TTC34: variants seen among roughly 807,000 people sequenced by gnomAD.
The protein encoded by TTC34 is tetratricopeptide repeat domain 34, also known as tetratricopeptide repeat protein 34.
A neutral mutation model predicts 40.7 loss-of-function variants in TTC34; 44 were observed. That is an observed-to-expected ratio of 1.08 (90% confidence interval 0.85 to 1.39). The LOEUF (loss-of-function observed/expected upper bound fraction) is 1.39. TTC34 is among the 40% of genes most tolerant of loss of function. The probability of loss-of-function intolerance (pLI) is 0.00; values close to 1 mark genes in which losing one functional copy is unlikely to be tolerated. For synonymous variants in TTC34, 422 were observed against 398.6 expected (o/e 1.06, Z -0.70); for missense variants, 884 against 838.0 (o/e 1.05, Z -0.68).
chr1:2,752,221 C>T (rs1469548536), intron 6 of TTC34, among the ~76,000 whole-genome samples: 8 of 118,372 alleles, frequency 6.8e-5, no homozygotes, highest in Admixed American at 8.7e-5. Context: ...CCCAGGTGAG[C>T]ATCTGACAGA....
chr1:2,685,265 A>C (rs55853131), intron 6 of TTC34, among the ~76,000 whole-genome samples: 13 of 47,576 alleles, frequency 2.7e-4, no homozygotes, highest in Non-Finnish European at 4.5e-4. Flanking sequence ...AGAGCCTGGA[A>C]CAGCACCCTG....
At chr1:2,768,263 T>C (rs1189562102) in intron 6 of TTC34, among the ~76,000 whole-genome samples, 1 of 151,988 alleles carries the variant, frequency 6.6e-6, no homozygotes, top group Non-Finnish European at 1.5e-5. Context: ...TGCCAGATCC[T>C]CACCTGGGGA....
chr1:2,784,057 G>A (rs1643536579), intron 5 of TTC34, among the ~76,000 whole-genome samples: 1 of 152,230 alleles, frequency 6.6e-6, no homozygotes, highest in South Asian at 2.1e-4. Context: ...GGGGGATCAG[G>A]GTAGCACTAC....
chr1:2,640,150 G>A (rs1340803942), exon 9 of TTC34: 2 of 152,478 alleles, frequency 1.3e-5, no homozygotes, highest in Non-Finnish European at 2.9e-5. Context: ...CCAGGAGGGG[G>A]GGTCGTGGCC....
At chr1:2,800,313 G>A (rs535876602) in exon 2 of TTC34, 69 of 398,628 alleles carry the variant, frequency 1.7e-4, no homozygotes, top group Middle Eastern at 6.3e-4. Context: ...GAAAGCTACC[G>A]TCCGGTCGGC....
chr1:2,686,332 C>A (rs1640344292), intron 6 of TTC34, among the ~76,000 whole-genome samples: 1 of 151,776 alleles, frequency 6.6e-6, no homozygotes, highest in African/African-American at 2.4e-5. Flanking sequence ...TCCAGGCGAG[C>A]ATCCGACAGC....
At chr1:2,691,541 AC>A (rs1162050426) in intron 6 of TTC34, among the ~76,000 whole-genome samples, 6 of 79,758 alleles carry the variant, frequency 7.5e-5, no homozygotes, top group East Asian at 3.6e-4. Context: ...CAGAACCCAC[AC>A]CCCCAGGTGA....
intron 2 of TTC34, among the ~76,000 whole-genome samples, chr1:2,793,037 C>T (rs1643680264): frequency 1.3e-5 from 2 of 152,336 alleles, no homozygotes; most frequent in South Asian, 4.1e-4. Context: ...TGTAGGCAAG[C>T]TATTCCACAG....
chr1:2,789,350 G>A (rs1256743841), intron 3 of TTC34, among the ~76,000 whole-genome samples, 153 bp downstream of exon 3: 1 of 152,242 alleles, frequency 6.6e-6, no homozygotes, highest in Non-Finnish European at 1.5e-5. Flanking sequence ...GTCGATGGAA[G>A]CAGCGGAGCT....
intron 2 of TTC34, among the ~76,000 whole-genome samples, chr1:2,792,914 C>T (rs982063334): frequency 2.6e-5 from 4 of 152,248 alleles, no homozygotes; most frequent in Non-Finnish European, 5.9e-5. Context: ...CACACAACAC[C>T]ATTGTTCAAG....
At chr1:2,688,440 GGACC>G (rs1640474003) in intron 6 of TTC34, among the ~76,000 whole-genome samples, 1 of 147,002 alleles carries the variant, frequency 6.8e-6, no homozygotes. Context: ...GCCTGGAGCA[GGACC>G]CACACCCCTA....
At chr1:2,686,564 C>A (rs573443570) in intron 6 of TTC34, among the ~76,000 whole-genome samples, 3 of 122,922 alleles carry the variant, frequency 2.4e-5, no homozygotes, top group East Asian at 2.7e-4. Context: ...ACGCACACAC[C>A]CAGGTGAGCA....
intron 6 of TTC34, among the ~76,000 whole-genome samples, chr1:2,699,998 G>C (rs113547966): frequency 0.036 from 4,013 of 110,468 alleles, 513 homozygotes; most frequent in Middle Eastern, 0.078. Context: ...TGACAGCCTG[G>C]AGCAGCGTCC....
In TTC34 at chr1:2,700,012, C is replaced by A. The variant is rs1398045744; in HGVS notation, c.2227-54449G>T. Among the ~76,000 whole-genome samples the A allele has an allele frequency of 3.5e-4, 41 of 118,164 alleles. 3 individuals are homozygous for A. The highest frequency in any genetic ancestry group is 9.3e-4 in the African/African-American group (34 of 36,696). The allele number at this position is 118,164 out of a possible 152,430, so 77.5% of individuals were successfully genotyped here. A position where few individuals can be genotyped will look rare whatever the true frequency, so the allele number is the denominator to read the frequency against. On this transcript the variant is annotated intron_variant, in intron 6 of 8. Coordinates refer to ENST00000401095, the Ensembl canonical transcript of TTC34. ...CTGACAGCCTGGAGCAGCGTCCACACCCCCAGGTGAGCATCTGATAGCCTG... is the reference window on the plus strand; with the variant it reads ...CTGACAGCCTGGAGCAGCGTCCACAACCCCAGGTGAGCATCTGATAGCCTG...
At chr1:2,682,289 G>A (rs1420743843) in intron 6 of TTC34, among the ~76,000 whole-genome samples, 1 of 126,194 alleles carries the variant, frequency 7.9e-6, no homozygotes, top group African/African-American at 2.9e-5. Context: ...GCATCGTAGA[G>A]TCTGGAGCAG....
intron 6 of TTC34, among the ~76,000 whole-genome samples, chr1:2,751,722 C>G: frequency 1.3e-5 from 2 of 151,574 alleles, no homozygotes; most frequent in African/African-American, 2.4e-5. Flanking sequence ...GGAGCAGCAC[C>G]CACACCCCCA....
intron 6 of TTC34, among the ~76,000 whole-genome samples, chr1:2,683,656 T>A (rs1199485317): frequency 6.8e-6 from 1 of 146,954 alleles, no homozygotes; most frequent in Non-Finnish European, 1.5e-5. Context: ...TCTGACAGCC[T>A]GGAGCAGCAC....
intron 6 of TTC34, among the ~76,000 whole-genome samples, chr1:2,771,652 G>T (rs1437832477): frequency 4.4e-5 from 4 of 90,130 alleles, no homozygotes; most frequent in Non-Finnish European, 8.2e-5. Context: ...ACCCCCGGGC[G>T]AGCATCTGAC....
At chr1:2,788,142 C>G (rs1214039766) in intron 3 of TTC34, among the ~76,000 whole-genome samples, 1 of 152,234 alleles carries the variant, frequency 6.6e-6, no homozygotes, top group Non-Finnish European at 1.5e-5. Flanking sequence ...GCCAGATCCT[C>G]AAATTTGACA....
Sources: allele counts gnomAD v4.1 joint callset (sites outside exome capture counted in the v4.1 genomes callset), GRCh38; gene constraint gnomAD v4.1.1; transcripts MANE v1.5; gene names NCBI Gene and HGNC (gene_info 2026-07-23, HGNC 2026-07-21).